The following NLGN4X variants were observed in gnomAD, a reference collection of about 807,000 sequenced individuals.
NLGN4X encodes neuroligin-4, X-linked.
NLGN4X carries 3 observed loss-of-function variants against 40.3 expected under a neutral mutation model. The observed-to-expected ratio is 0.07, with a 90% CI of 0.03 to 0.19. NLGN4X has a LOEUF of 0.19. Among genes scored for constraint, NLGN4X ranks in the 10% least tolerant of loss-of-function variants. NLGN4X has a pLI of 1.00. For synonymous variants in NLGN4X, 270 were observed against 306.8 expected, an observed-to-expected ratio of 0.88 and a Z score of 1.25; for missense variants, 382 against 708.3, an observed-to-expected ratio of 0.54 and a Z score of 5.23.
intron 2 of NLGN4X, among the ~76,000 whole-genome samples, chrX:6,098,285 C>T (rs1210666813): frequency 9.0e-6 from 1 of 111,417 alleles, no homozygotes; most frequent in East Asian, 2.8e-4. Flanking sequence ...GGTGGCAGAG[C>T]GAGGCTCTCT....
At chrX:5,915,368 TAAA>T (rs1231867817) in intron 3 of NLGN4X, among the ~76,000 whole-genome samples, 2 of 109,963 alleles carry the variant, frequency 1.8e-5, no homozygotes. Flanking sequence ...TTACATGAAA[TAAA>T]AAAAAACTGA....
chrX:6,221,077 ATTATTTAT>A (rs759066236), intron 1 of NLGN4X, among the ~76,000 whole-genome samples: 1 of 106,942 alleles, frequency 9.4e-6, no homozygotes, highest in Non-Finnish European at 1.9e-5. Flanking sequence ...ATTTTTATTT[ATTATTTAT>A]TTATTTATTT....
chrX:5,935,044 G>A lies in NLGN4X; in HGVS notation c.626-25805C>T, dbSNP rs553236077. On this transcript the variant is annotated intron_variant, in intron 3 of 5. Transcript: ENST00000381095. ...TCTTTCTACACAGCTACTATTAGTC[G>A]ATGCTAAAACCAGGGAAGCTCAACA... 1.4e-4 allele frequency among the ~76,000 whole-genome samples: 16 copies of A among 111,817 alleles called. No individual in the cohort carries two copies. The South Asian group carries it at 2.6e-3, about 18-fold the overall frequency.
At chrX:6,004,897 T>C (rs987149887) in intron 3 of NLGN4X, among the ~76,000 whole-genome samples, 10 of 111,903 alleles carry the variant, frequency 8.9e-5, no homozygotes, top group African/African-American at 3.2e-4. Context: ...TGTTGCTGTT[T>C]AGGGATAAAT....
intron 3 of NLGN4X, among the ~76,000 whole-genome samples, chrX:5,980,845 G>A (rs1458634465): frequency 1.8e-5 from 2 of 111,124 alleles, no homozygotes; most frequent in African/African-American, 3.3e-5. Context: ...CTCCAAGTAT[G>A]TTCTACTGCT....
intron 1 of NLGN4X, among the ~76,000 whole-genome samples, chrX:6,179,277 C>T (rs992964207): frequency 9.0e-6 from 1 of 111,022 alleles, no homozygotes; most frequent in Non-Finnish European, 1.9e-5. Flanking sequence ...AAACACCCAT[C>T]GACTCATTTT....
chrX:5,960,860 C>T (rs1340153312), intron 3 of NLGN4X, among the ~76,000 whole-genome samples: 1 of 111,240 alleles, frequency 9.0e-6, no homozygotes, highest in Non-Finnish European at 1.9e-5. Context: ...CTAGCAAGTT[C>T]GTGAATGTTA....
chrX:6,037,405 C>T (rs1044702163), intron 2 of NLGN4X, among the ~76,000 whole-genome samples: 3 of 111,321 alleles, frequency 2.7e-5, no homozygotes, highest in African/African-American at 6.5e-5. Context: ...CTCACAGTCA[C>T]ATATACTGCT....
chrX:6,148,077 C>T (rs2040088458), intron 2 of NLGN4X, among the ~76,000 whole-genome samples: 2 of 111,749 alleles, frequency 1.8e-5, no homozygotes, highest in Admixed American at 1.9e-4. Flanking sequence ...TATTGTACTA[C>T]GAAGAAATTT....
chrX:5,941,188 T>G (rs1370954329), intron 3 of NLGN4X, among the ~76,000 whole-genome samples: 1 of 62,043 alleles, frequency 1.6e-5, no homozygotes, highest in Non-Finnish European at 3.1e-5. Context: ...GGGGTGTGTG[T>G]GTGTGTGTGT....
intron 1 of NLGN4X, among the ~76,000 whole-genome samples, chrX:6,217,059 G>T (rs1346382229): frequency 8.9e-6 from 1 of 112,106 alleles, no homozygotes; most frequent in African/African-American, 3.2e-5. Flanking sequence ...TGGAATTACA[G>T]GCATGAGCCA....
At chrX:6,064,671 G>A (rs2037861419) in intron 2 of NLGN4X, among the ~76,000 whole-genome samples, 2 of 110,736 alleles carry the variant, frequency 1.8e-5, no homozygotes, top group Non-Finnish European at 3.8e-5. Context: ...GAATGGCCAG[G>A]AAAAAAAGGG....
intron 3 of NLGN4X, among the ~76,000 whole-genome samples, chrX:6,010,513 T>TTTATTATTATTATTATTA (rs58321620): frequency 0.099 from 9,469 of 95,267 alleles, 471 homozygotes; most frequent in Middle Eastern, 0.23. Context: ...TTCTTTTTAT[T>TTTATTATTATTATTATTA]TTATTATTAT....
Position 6,101,128 on chromosome X carries a change from CCCA to C in NLGN4X, c.472+49864_472+49866del, listed in dbSNP as rs768907037. Among the ~76,000 whole-genome samples the C allele has an allele frequency of 2.7e-5, 3 of 111,444 alleles. No homozygotes were observed. In the South Asian group the frequency reaches 1.2e-3, roughly 43 times the overall value. On this transcript the variant is annotated intron_variant, in intron 2 of 5. Transcript: ENST00000381095. ...AAGAGAATGTACTTTTCAGGATGCC[CCCA>C]CGTGAGGCCTCTCAGAAATGTAATC...
intron 2 of NLGN4X, among the ~76,000 whole-genome samples, chrX:6,104,183 T>C (rs763277512): frequency 8.9e-6 from 1 of 112,397 alleles, no homozygotes; most frequent in Non-Finnish European, 1.9e-5. Flanking sequence ...TCATCAAACA[T>C]TTACCTTCTA....
At chrX:6,197,063 G>A (rs1327325485) in intron 1 of NLGN4X, among the ~76,000 whole-genome samples, 1 of 111,327 alleles carries the variant, frequency 9.0e-6, no homozygotes, top group Admixed American at 9.6e-5. Context: ...ATTCACTCTC[G>A]CAAACGTTAT....
intron 2 of NLGN4X, among the ~76,000 whole-genome samples, chrX:6,062,961 C>A (rs1282501519): frequency 9.0e-6 from 1 of 110,921 alleles, no homozygotes; most frequent in Non-Finnish European, 1.9e-5. Flanking sequence ...ATGTTCCTAC[C>A]CCAGAGCCTT....
At chrX:6,203,176 T>C (rs1211418203) in intron 1 of NLGN4X, among the ~76,000 whole-genome samples, 1 of 112,664 alleles carries the variant, frequency 8.9e-6, no homozygotes, top group Non-Finnish European at 1.9e-5. Context: ...TTGCACCACC[T>C]GAAATGATCT....
intron 2 of NLGN4X, among the ~76,000 whole-genome samples, chrX:6,046,852 C>G (rs1338825884): frequency 1.3e-5 from 1 of 75,562 alleles, no homozygotes; most frequent in Admixed American, 1.4e-4. Context: ...ATTATAAACA[C>G]ATATATATAT....
Sources: allele counts gnomAD v4.1 joint callset (sites outside exome capture counted in the v4.1 genomes callset), GRCh38; gene constraint gnomAD v4.1.1; transcripts MANE v1.5; gene names NCBI Gene and HGNC (gene_info 2026-07-23, HGNC 2026-07-21).